Variants in ABCC1 observed in about 807,000 individuals in gnomAD.
ABCC1 encodes multidrug resistance-associated protein 1.
A neutral mutation model predicts 172.9 loss-of-function variants in ABCC1; 83 were observed. The ratio of observed to expected loss-of-function variants is 0.48; its 90% CI spans 0.40 to 0.58. The LOEUF (loss-of-function observed/expected upper bound fraction) is 0.58, where lower values mean the gene tolerates loss of function less well. Among genes scored for constraint, ABCC1 ranks in the 20% least tolerant of loss-of-function variants. The pLI, the probability that ABCC1 is intolerant of heterozygous loss-of-function variation, is 0.00. For synonymous variants in ABCC1, 937 were observed against 825.2 expected (o/e 1.14, Z -2.32); for missense variants, 1,817 against 2,002.7 (o/e 0.91, Z 1.77).
intron 5 of ABCC1, among the ~76,000 whole-genome samples, chr16:16,016,922 T>G (rs2048020958): frequency 6.6e-6 from 1 of 152,162 alleles, no homozygotes; most frequent in Non-Finnish European, 1.5e-5. Context: ...AATCAGGTAT[T>G]TTTTATGAAT....
At chr16:15,961,526 G>T (rs1342988779) in intron 1 of ABCC1, among the ~76,000 whole-genome samples, 1 of 152,170 alleles carries the variant, frequency 6.6e-6, no homozygotes, top group African/African-American at 2.4e-5. Context: ...CCCAGAAGTA[G>T]CCGTTATTGA....
intron 22 of ABCC1, among the ~76,000 whole-genome samples, chr16:16,114,362 C>T (rs1433070749): frequency 1.3e-4 from 20 of 149,848 alleles, no homozygotes; most frequent in Non-Finnish European, 1.9e-4. Context: ...TTTTTTGAGA[C>T]GGAGTCTCAT....
At chr16:15,984,081 C>T (rs1386244037) in intron 1 of ABCC1, among the ~76,000 whole-genome samples, 1 of 152,154 alleles carries the variant, frequency 6.6e-6, no homozygotes, top group Non-Finnish European at 1.5e-5. Flanking sequence ...TCTAAGGGAA[C>T]TCATTGTGTC....
chr16:15,953,558 C>T (rs893976023), intron 1 of ABCC1, among the ~76,000 whole-genome samples: 1 of 152,134 alleles, frequency 6.6e-6, no homozygotes, highest in Non-Finnish European at 1.5e-5. Flanking sequence ...TAATCCTTAG[C>T]AAGGACTTAA....
chr16:16,062,006 C>G (rs558044207), intron 12 of ABCC1, among the ~76,000 whole-genome samples: 2 of 151,972 alleles, frequency 1.3e-5, no homozygotes, highest in Non-Finnish European at 2.9e-5. Context: ...CTCCTGAGCT[C>G]GAGCAGTCCG....
intron 1 of ABCC1, among the ~76,000 whole-genome samples, chr16:15,970,955 ACTTCTAGT>A (rs745344835): frequency 2.6e-5 from 4 of 152,122 alleles, no homozygotes; most frequent in Non-Finnish European, 4.4e-5. Context: ...ATGACTAATC[ACTTCTAGT>A]CTGCCTTATC....
In ABCC1 at chr16:16,083,507, C is replaced by T; in HGVS notation, c.2257C>T (p.Leu753=). 6.2e-7 allele frequency: 1 copy of T among 1,613,814 alleles called. No homozygotes were observed. The highest frequency in any genetic ancestry group is 8.5e-7 in the Non-Finnish European group (1 of 1,179,986). The stretch of plus-strand genomic sequence containing the variant: ...TGCCCTCCTCCCAGACCTGGAAATC[C>T]TGCCCAGTGGGGATCGGACAGAGAT... ...ACALLPDLEI[L]PSGDRTEIGE... is the part of the protein sequence containing the mutation. The change falls in exon 17 of 31, where the codon CTG becomes TTG. Residue 753 remains leucine, a synonymous_variant. Transcript: ENST00000399410.
chr16:15,976,202 C>T (rs1282671301), intron 1 of ABCC1, among the ~76,000 whole-genome samples: 1 of 152,076 alleles, frequency 6.6e-6, no homozygotes, highest in Non-Finnish European at 1.5e-5. Context: ...GGGAGGCAGA[C>T]ATTGCAGTGA....
intron 5 of ABCC1, among the ~76,000 whole-genome samples, chr16:16,018,181 C>G (rs934992214): frequency 1.3e-5 from 2 of 152,052 alleles, no homozygotes; most frequent in Non-Finnish European, 2.9e-5. Context: ...AGAGGCTCAC[C>G]TTGTGGGTGA....
intron 1 of ABCC1, among the ~76,000 whole-genome samples, chr16:15,950,689 A>G (rs1032494500): frequency 5.3e-5 from 8 of 152,194 alleles, no homozygotes; most frequent in African/African-American, 1.9e-4. Flanking sequence ...CCAGGAAGGC[A>G]GGCACTTCTG....
chr16:15,992,019 T>G (rs1214888065), intron 1 of ABCC1, among the ~76,000 whole-genome samples: 1 of 152,026 alleles, frequency 6.6e-6, no homozygotes, highest in Non-Finnish European at 1.5e-5. Context: ...TTACAGCCGC[T>G]CCCCATCTTT....
At chr16:16,122,266 G>T in intron 24 of ABCC1, 92 bp downstream of exon 24, 3 of 1,420,438 alleles carry the variant, frequency 2.1e-6, no homozygotes, top group Admixed American at 1.9e-5. Flanking sequence ...CTTGAGCTGG[G>T]TATAAAGCCA....
rs1567343557 is a variant in ABCC1, at chr16:16,044,694, C to T, written c.1040+14C>T. ...GCAGATCTTAAAGTAAGACCCCTTC[C>T]CTCCCAGGTGGGCTCCATTTTCCCT... On this transcript the variant is annotated intron_variant, in intron 8 of 30. Coordinates refer to ENST00000399410, the MANE Select transcript of ABCC1 (RefSeq NM_004996.4). 6.2e-7 allele frequency: 1 copy of T among 1,608,670 alleles called. No individual in the cohort carries two copies. The highest frequency in any genetic ancestry group is 8.5e-7 in the Non-Finnish European group (1 of 1,175,092).
At chr16:16,040,867 G>T (rs2048951048) in intron 7 of ABCC1, among the ~76,000 whole-genome samples, 1 of 152,130 alleles carries the variant, frequency 6.6e-6, no homozygotes, top group Non-Finnish European at 1.5e-5. Context: ...GGAGACCAGG[G>T]TGGGAACCTC....
chr16:16,004,929 T>G (rs1473127528), intron 1 of ABCC1, among the ~76,000 whole-genome samples: 2 of 152,040 alleles, frequency 1.3e-5, no homozygotes, highest in Non-Finnish European at 1.5e-5. Context: ...CCTCCCAAAG[T>G]GCTGGGATTA....
intron 5 of ABCC1, among the ~76,000 whole-genome samples, chr16:16,027,408 C>T (rs1238180331): frequency 6.6e-6 from 1 of 152,124 alleles, no homozygotes; most frequent in Non-Finnish European, 1.5e-5. Context: ...GGTCTGTGGG[C>T]CATAGATGCT....
intron 7 of ABCC1, among the ~76,000 whole-genome samples, chr16:16,044,196 GC>G (rs1350022451): frequency 6.6e-5 from 10 of 152,188 alleles, no homozygotes; most frequent in Non-Finnish European, 1.3e-4. Context: ...GGAAACTGAG[GC>G]CCAGAGAGCT....
chr16:15,949,772 C>T lies in ABCC1; in HGVS notation c.21C>T (p.Cys7=), dbSNP rs1273013410. MALRGF[C]SADGSDPLWD... is the part of the protein sequence containing the mutation. ...CCGGCATGGCGCTCCGGGGCTTCTGCAGCGCCGATGGCTCCGACCCGCTCT... is the reference window on the plus strand; with the variant it reads ...CCGGCATGGCGCTCCGGGGCTTCTGTAGCGCCGATGGCTCCGACCCGCTCT... Residue 7 remains cysteine (C), a synonymous_variant, in exon 1 of 31, where the codon TGC becomes TGT. Coordinates refer to ENST00000399410, the MANE Select transcript of ABCC1 (RefSeq NM_004996.4). 4 of 1,194,668 alleles carry T rather than the reference C, an allele frequency of 3.3e-6. No homozygotes were observed. Among genetic ancestry groups the T allele is most frequent in the African/African-American group, 1.6e-5 (1 of 62,658 alleles). 74.0% of individuals were successfully genotyped at this position (1,194,668 alleles called of 1,614,324 possible).
intron 7 of ABCC1, among the ~76,000 whole-genome samples, chr16:16,038,269 C>G (rs2048832082): frequency 6.6e-6 from 1 of 152,106 alleles, no homozygotes; most frequent in Admixed American, 6.5e-5. Flanking sequence ...AAGTCCCACC[C>G]TAGGTCATCT....
Sources: allele counts gnomAD v4.1 joint callset (sites outside exome capture counted in the v4.1 genomes callset), GRCh38; gene constraint gnomAD v4.1.1; transcripts MANE v1.5; gene names NCBI Gene and HGNC (gene_info 2026-07-23, HGNC 2026-07-21).